The following SLC3A2 variants were observed in gnomAD, a reference collection of about 807,000 sequenced individuals.
The protein encoded by SLC3A2 is solute carrier family 3 member 2.
In SLC3A2, 32 loss-of-function variants were observed where a neutral mutation model predicts 48.5. The ratio of observed to expected loss-of-function variants is 0.66; its 90% confidence interval spans 0.50 to 0.89. The LOEUF (loss-of-function observed/expected upper bound fraction) is 0.89. Ranked by LOEUF, SLC3A2 falls within the 40% of genes least tolerant of loss-of-function variation. The pLI is 0.00. For synonymous variants in SLC3A2, 277 were observed against 288.8 expected (o/e 0.96, Z 0.41); for missense variants, 587 against 680.7 (o/e 0.86, Z 1.53).
chr11:62,878,567 G>A (rs929976021), upstream of SLC3A2, among the ~76,000 whole-genome samples: 1 of 150,640 alleles, frequency 6.6e-6, no homozygotes, highest in African/African-American at 2.4e-5. Flanking sequence ...CCAGGTTCAC[G>A]TCATTCTCCT....
At chr11:62,864,616 A>G (rs565134530) in intron 1 of SLC3A2, among the ~76,000 whole-genome samples, 5 of 148,342 alleles carry the variant, frequency 3.4e-5, no homozygotes, top group Non-Finnish European at 7.4e-5. Context: ...ACAGGCGCCC[A>G]CCACCAAGTC....
Position 62,859,876 on chromosome 11 carries a change from C to T in SLC3A2, c.112+3495C>T, listed in dbSNP as rs561836751. On this transcript the variant is annotated intron_variant, in intron 1 of 9. Transcript: ENST00000377889. ...CCCCTCCACACCTGTGGGTATTTCTCGTCAGGTGGGACGAGAGACTGAGAA... is the reference window on the plus strand; with the variant it reads ...CCCCTCCACACCTGTGGGTATTTCTTGTCAGGTGGGACGAGAGACTGAGAA... Among the ~76,000 whole-genome samples the T allele has an allele frequency of 2.0e-5, 3 of 152,208 alleles. No homozygotes were observed. The South Asian group carries it at 6.2e-4, about 32-fold the overall frequency.
At chr11:62,875,436 T>C (rs748277273) in intron 1 of SLC3A2, among the ~76,000 whole-genome samples, 12 of 152,140 alleles carry the variant, frequency 7.9e-5, no homozygotes, top group Non-Finnish European at 1.6e-4. Context: ...GCACCTGGAG[T>C]CCGCAGGAGA....
At chr11:62,860,023 T>G (rs1212205444) in intron 1 of SLC3A2, among the ~76,000 whole-genome samples, 3 of 152,192 alleles carry the variant, frequency 2.0e-5, no homozygotes, top group African/African-American at 7.2e-5. Context: ...TATTGATCAC[T>G]ATCTCTACCA....
At chr11:62,883,369 C>T (rs546679199) in intron 3 of SLC3A2, 2 of 236,702 alleles carry the variant, frequency 8.4e-6, no homozygotes, top group South Asian at 1.3e-4. Context: ...GAATAGAGCC[C>T]AGTCTGAAAT....
rs1204878848 is a variant in SLC3A2, at chr11:62,885,272, C to G, written c.914C>G (p.Ser305Cys). The G allele has an allele frequency of 1.2e-6, 2 of 1,614,224 alleles. No homozygotes were observed. Among genetic ancestry groups the G allele is most frequent in the Non-Finnish European group, 1.7e-6 (2 of 1,180,038 alleles). The change falls in exon 6 of 9, where the codon TCT (serine) becomes TGT (cysteine). Residue 305 changes from serine to cysteine, a missense_variant. Physicochemically the swap from Ser to Cys is moderately radical, Grantham distance 112. Coordinates refer to ENST00000338663, the MANE Select transcript of SLC3A2 (RefSeq NM_001013251.3). ...TTGCTGTTGACTAGCTCATACCTGT[C>G]TGATTCTGGTTCTACTGGGGAGCAT... Reference protein sequence around the residue: ...KDLLLTSSYLSDSGSTGEHTK... With the variant: ...KDLLLTSSYLCDSGSTGEHTK...
chr11:62,871,792 T>C (rs1021447238), intron 1 of SLC3A2: 12 of 368,268 alleles, frequency 3.3e-5, no homozygotes, highest in Non-Finnish European at 5.3e-5. Context: ...ACATGAATTA[T>C]AGAGTCATCT....
chr11:62,863,467 T>C (rs1565243792), intron 1 of SLC3A2, among the ~76,000 whole-genome samples: 1 of 152,112 alleles, frequency 6.6e-6, no homozygotes, highest in East Asian at 1.9e-4. Context: ...AGCGACCAAA[T>C]TGCTGGGAAA....
intron 3 of SLC3A2, 96 bp downstream of exon 3, chr11:62,883,095 A>T (rs1362127686): frequency 5.2e-6 from 6 of 1,160,376 alleles, no homozygotes; most frequent in African/African-American, 1.5e-5. Context: ...ACTCCAGCTG[A>T]GGGTCCCTTT....
At chr11:62,880,889 G>T, upstream of SLC3A2, 1 of 1,434,084 alleles carries the variant, frequency 7.0e-7, no homozygotes. Flanking sequence ...CGCGCCTGCT[G>T]CTGAGCAGAT....
At chr11:62,877,826 G>A (rs191306657), upstream of SLC3A2, among the ~76,000 whole-genome samples, 765 of 152,320 alleles carry the variant, frequency 5.0e-3, 6 homozygotes, top group Admixed American at 0.011. Flanking sequence ...GATAAGATTG[G>A]AGAGGCAAGC....
At chr11:62,856,111 AT>A, upstream of SLC3A2, 2 of 579,530 alleles carry the variant, frequency 3.5e-6, no homozygotes, top group Non-Finnish European at 5.9e-6. Context: ...CACCGACCGC[AT>A]TGCGGCTTGG....
intron 6 of SLC3A2, 50 bp downstream of exon 6, chr11:62,885,407 G>T (rs2085697698): frequency 6.2e-7 from 1 of 1,613,960 alleles, no homozygotes; most frequent in African/African-American, 1.3e-5. Context: ...AGAAAGGGTT[G>T]TTGGGAGACA....
intron 1 of SLC3A2, among the ~76,000 whole-genome samples, chr11:62,873,969 ATTTTTTTTTTTTTTTTTTTTTTTTTT>A (rs573491653): frequency 5.1e-5 from 2 of 38,898 alleles, no homozygotes; most frequent in Non-Finnish European, 9.0e-5. Context: ...TGCCCAGCTA[ATTTTTTTTTTTTTTTTTTTTTTTTTT>A]TTTTTTTTTT....
intron 7 of SLC3A2, among the ~76,000 whole-genome samples, chr11:62,885,970 A>G (rs2085708544): frequency 1.3e-5 from 2 of 152,128 alleles, no homozygotes; most frequent in Admixed American, 6.5e-5. Context: ...TAGTTTAGTG[A>G]GGGAGCCAGA....
intron 1 of SLC3A2, among the ~76,000 whole-genome samples, chr11:62,868,607 T>C (rs368037038): frequency 2.0e-5 from 3 of 151,856 alleles, no homozygotes; most frequent in African/African-American, 2.4e-5. Flanking sequence ...CCTCGTGATC[T>C]GCCCGCCTCG....
chr11:62,873,527 A>G (rs1403055208), intron 1 of SLC3A2, among the ~76,000 whole-genome samples: 1 of 151,998 alleles, frequency 6.6e-6, no homozygotes, highest in Non-Finnish European at 1.5e-5. Context: ...AGGTCTCACT[A>G]TATTGCCCAA....
At chr11:62,872,220 T>G (rs1299112780) in intron 1 of SLC3A2, among the ~76,000 whole-genome samples, 1 of 152,118 alleles carries the variant, frequency 6.6e-6, no homozygotes, top group Non-Finnish European at 1.5e-5. Context: ...GGCCCTCTGC[T>G]TTTTTAAAAA....
intron 1 of SLC3A2, among the ~76,000 whole-genome samples, chr11:62,875,334 C>T (rs1364289830): frequency 6.6e-6 from 1 of 152,050 alleles, no homozygotes; most frequent in Non-Finnish European, 1.5e-5. Flanking sequence ...ATCACGAGAT[C>T]AGGAGATCAA....
Sources: gnomAD v4.1 joint callset for allele counts (sites outside exome capture counted in the v4.1 genomes callset) on GRCh38, gnomAD v4.1.1 for gene constraint, MANE v1.5 for transcripts, NCBI Gene and HGNC (gene_info 2026-07-23, HGNC 2026-07-21) for gene names.